The following DIP2B variants were observed in gnomAD, a reference collection of about 807,000 sequenced individuals.
The protein encoded by DIP2B is disco-interacting protein 2 homolog B.
DIP2B carries 76 observed loss-of-function variants against 198.0 expected under a neutral mutation model. The observed-to-expected ratio is 0.38, with a 90% CI of 0.32 to 0.46. DIP2B has a LOEUF of 0.46. Among genes scored for constraint, DIP2B ranks in the 20% least tolerant of loss-of-function variants. The pLI, the probability that DIP2B is intolerant of heterozygous loss-of-function variation, is 0.99. For synonymous variants in DIP2B, 701 were observed against 739.1 expected, an observed-to-expected ratio of 0.95 and a Z score of 0.84; for missense variants, 1,559 against 1,978.4, an observed-to-expected ratio of 0.79 and a Z score of 4.02.
At chr12:50,569,143 A>G (rs1958592439) in intron 1 of DIP2B, among the ~76,000 whole-genome samples, 1 of 143,320 alleles carries the variant, frequency 7.0e-6, no homozygotes, top group Non-Finnish European at 1.5e-5. Flanking sequence ...ATTTGTTTTG[A>G]TAGAATATAA....
At chr12:50,595,224 C>T (rs1298950073) in intron 1 of DIP2B, among the ~76,000 whole-genome samples, 5 of 152,190 alleles carry the variant, frequency 3.3e-5, no homozygotes, top group Non-Finnish European at 5.9e-5. Flanking sequence ...TGCACACAGT[C>T]GTACATTCTC....
rs1244689020 is a variant in DIP2B, at chr12:50,698,612, A to T, written c.2188+145A>T. ...TTTCTCAGAGCCTCTCTAATAGTTAAGTCATTATAATTATGCTGACCTTCC... is the reference window on the plus strand; with the variant it reads ...TTTCTCAGAGCCTCTCTAATAGTTATGTCATTATAATTATGCTGACCTTCC... On this transcript the variant is annotated intron_variant, in intron 18 of 37. Coordinates refer to ENST00000301180, the MANE Select transcript of DIP2B (RefSeq NM_173602.3). The T allele has an allele frequency of 4.0e-6, 4 of 1,012,596 alleles. No individual in the cohort carries two copies. The African/African-American group carries it at 6.6e-5, about 17-fold the overall frequency. The allele number at this position is 1,012,596 out of a possible 1,614,324, so 62.7% of individuals were successfully genotyped here.
At chr12:50,650,271 A>G (rs1307844899) in intron 3 of DIP2B, among the ~76,000 whole-genome samples, 1 of 152,248 alleles carries the variant, frequency 6.6e-6, no homozygotes, top group Non-Finnish European at 1.5e-5. Flanking sequence ...GCCTATAGGA[A>G]GGCTCAGAAT....
chr12:50,739,385 G>A, intron 35 of DIP2B, 24 bp from the exon 36 acceptor site: 3 of 1,596,258 alleles, frequency 1.9e-6, no homozygotes, highest in Non-Finnish European at 2.6e-6. Context: ...CCAGTGAGTT[G>A]TGATCAAAGC....
intron 35 of DIP2B, among the ~76,000 whole-genome samples, chr12:50,737,602 A>G (rs889127673): frequency 4.0e-5 from 6 of 151,670 alleles, no homozygotes; most frequent in Non-Finnish European, 7.4e-5. Flanking sequence ...CTTCCCCCAA[A>G]TCTTTGTTTT....
rs150084638 is a variant in DIP2B at position 50,540,931 on chromosome 12, G to A, written c.100+35691G>A. Among the ~76,000 whole-genome samples the A allele has an allele frequency of 4.7e-3, 720 of 152,222 alleles. 8 individuals are homozygous for A. The highest frequency in any genetic ancestry group is 0.016 in the African/African-American group (681 of 41,540). On this transcript the variant is annotated intron_variant, in intron 1 of 37. Coordinates refer to ENST00000301180, the MANE Select transcript of DIP2B (RefSeq NM_173602.3). The stretch of plus-strand genomic sequence containing the variant: ...ATGCCTATATAGCAGTCTCAAATGA[G>A]GTAGCGCAGAATCTCTGGATAGGAC...
intron 1 of DIP2B, among the ~76,000 whole-genome samples, chr12:50,521,132 AGTCT>A (rs770157882): frequency 1.7e-5 from 2 of 119,374 alleles, no homozygotes; most frequent in Non-Finnish European, 3.3e-5. Flanking sequence ...TTTGAGATGG[AGTCT>A]CCCTCTGTCG....
intron 1 of DIP2B, among the ~76,000 whole-genome samples, chr12:50,561,245 A>G (rs1958517276): frequency 6.6e-6 from 1 of 152,212 alleles, no homozygotes; most frequent in Non-Finnish European, 1.5e-5. Flanking sequence ...GCCATCATTT[A>G]GAAGGGGAGA....
intron 1 of DIP2B, among the ~76,000 whole-genome samples, chr12:50,564,920 T>C (rs183482579): frequency 3.5e-4 from 54 of 152,322 alleles, no homozygotes; most frequent in Admixed American, 2.6e-3. Flanking sequence ...AGTCCATCAT[T>C]ATATATGACA....
At chr12:50,567,033 A>G (rs1041421088) in intron 1 of DIP2B, among the ~76,000 whole-genome samples, 1 of 149,856 alleles carries the variant, frequency 6.7e-6, no homozygotes, top group Non-Finnish European at 1.5e-5. Flanking sequence ...CTGTATGTGC[A>G]CTGACTTTTT....
At chr12:50,724,216 G>A (rs550884084) in intron 27 of DIP2B, among the ~76,000 whole-genome samples, 7 of 152,324 alleles carry the variant, frequency 4.6e-5, no homozygotes, top group Middle Eastern at 6.8e-3. Context: ...AAAGCAGGGA[G>A]GGGAGTTGCT....
intron 33 of DIP2B, among the ~76,000 whole-genome samples, chr12:50,734,711 CTAGCCTGCA>C (rs1432770850): frequency 6.6e-6 from 1 of 152,170 alleles, no homozygotes; most frequent in African/African-American, 2.4e-5. Flanking sequence ...CTGCACTGAC[CTAGCCTGCA>C]TAGGTGGAAC....
intron 1 of DIP2B, among the ~76,000 whole-genome samples, chr12:50,580,056 A>T (rs1249165804): frequency 6.7e-6 from 1 of 148,440 alleles, no homozygotes. Flanking sequence ...GGAAGGGCCA[A>T]CCTTGCTAAC....
At chr12:50,696,952 TA>T (rs1458182172) in intron 16 of DIP2B, 108 bp from the exon 17 acceptor site, 2 of 763,312 alleles carry the variant, frequency 2.6e-6, no homozygotes, top group East Asian at 5.3e-5. Flanking sequence ...CAATATACAA[TA>T]TGAGTTCTCA....
At chr12:50,678,580 A>G (rs1938986641) in intron 7 of DIP2B, 99 bp from the exon 8 acceptor site, 18 of 1,297,304 alleles carry the variant, frequency 1.4e-5, no homozygotes, top group Non-Finnish European at 1.9e-5. Context: ...AAACCAGGTA[A>G]ATATGAAGTG....
At chr12:50,723,166 T>C in intron 26 of DIP2B, 36 bp from the exon 27 acceptor site, 1 of 1,612,984 alleles carries the variant, frequency 6.2e-7, no homozygotes, top group Non-Finnish European at 8.5e-7. Flanking sequence ...CTTAGGCAGT[T>C]CAGTGACTCT....
chr12:50,625,270 G>T (rs963225993), intron 1 of DIP2B, among the ~76,000 whole-genome samples: 1 of 151,814 alleles, frequency 6.6e-6, no homozygotes, highest in Non-Finnish European at 1.5e-5. Flanking sequence ...ATCTATTTCC[G>T]TTTCCTTAGT....
intron 1 of DIP2B, among the ~76,000 whole-genome samples, chr12:50,598,036 CTGATG>C (rs1958893215): frequency 6.6e-6 from 1 of 152,196 alleles, no homozygotes; most frequent in African/African-American, 2.4e-5. Context: ...ATATGACTGA[CTGATG>C]TAAGTTTCAG....
intron 3 of DIP2B, 46 bp downstream of exon 3, chr12:50,640,898 G>A: frequency 6.3e-7 from 1 of 1,596,130 alleles, no homozygotes. Context: ...TTTCCTAACA[G>A]TAGTATGAAC....
Sources: gnomAD v4.1 joint callset for allele counts (sites outside exome capture counted in the v4.1 genomes callset) on GRCh38, gnomAD v4.1.1 for gene constraint, MANE v1.5 for transcripts, NCBI Gene and HGNC (gene_info 2026-07-23, HGNC 2026-07-21) for gene names.